The following PTPRK variants were observed in gnomAD, a reference collection of about 807,000 sequenced individuals.
The protein encoded by PTPRK is protein tyrosine phosphatase receptor type K.
In PTPRK, 75 loss-of-function variants were observed where a neutral mutation model predicts 178.0. The ratio of observed to expected loss-of-function variants is 0.42; its 90% CI spans 0.35 to 0.51. The LOEUF (loss-of-function observed/expected upper bound fraction) is 0.51. Ranked by LOEUF, PTPRK falls within the 20% of genes least tolerant of loss-of-function variation. The pLI is 0.02. For synonymous variants in PTPRK, 637 were observed against 620.6 expected, an observed-to-expected ratio of 1.03 and a Z score of -0.39; for missense variants, 1,441 against 1,797.8, an observed-to-expected ratio of 0.80 and a Z score of 3.59.
intron 3 of PTPRK, among the ~76,000 whole-genome samples, chr6:128,270,624 T>C (rs1819656254): frequency 6.6e-6 from 1 of 152,134 alleles, no homozygotes; most frequent in Non-Finnish European, 1.5e-5. Flanking sequence ...CCATATACAA[T>C]ACAGATACTA....
intron 1 of PTPRK, among the ~76,000 whole-genome samples, chr6:128,404,312 A>G (rs1042964076): frequency 1.3e-5 from 2 of 152,234 alleles, no homozygotes; most frequent in African/African-American, 4.8e-5. Flanking sequence ...GACACTTTCA[A>G]GGGCCTTCCG....
intron 3 of PTPRK, among the ~76,000 whole-genome samples, chr6:128,305,109 G>T (rs1480706682): frequency 6.6e-6 from 1 of 152,068 alleles, no homozygotes; most frequent in Non-Finnish European, 1.5e-5. Flanking sequence ...TGAAAAAGAA[G>T]ACAAGAAAGA....
intron 1 of PTPRK, among the ~76,000 whole-genome samples, chr6:128,458,351 TA>T (rs1165855669): frequency 6.6e-6 from 1 of 152,126 alleles, no homozygotes; most frequent in East Asian, 1.9e-4. Context: ...CACTTTATTA[TA>T]AAATAAGTTA....
chr6:128,425,441 G>A (rs773360396), intron 1 of PTPRK, among the ~76,000 whole-genome samples: 1 of 152,040 alleles, frequency 6.6e-6, no homozygotes, highest in Non-Finnish European at 1.5e-5. Context: ...AAAGGCTAAT[G>A]TATCATTCTT....
intron 7 of PTPRK, among the ~76,000 whole-genome samples, chr6:128,133,717 C>CT (rs76203097): frequency 0.011 from 1,641 of 142,908 alleles, 22 homozygotes; most frequent in African/African-American, 0.033. Flanking sequence ...TAAAGAAAGG[C>CT]TTTTTTTTTT....
intron 2 of PTPRK, among the ~76,000 whole-genome samples, chr6:128,397,027 A>G (rs1840402300): frequency 6.6e-6 from 1 of 151,962 alleles, no homozygotes; most frequent in Non-Finnish European, 1.5e-5. Flanking sequence ...AAAAGAACAG[A>G]TCTGGCCCTA....
chr6:128,393,806 C>A (rs1839937643), intron 2 of PTPRK, among the ~76,000 whole-genome samples: 1 of 152,068 alleles, frequency 6.6e-6, no homozygotes, highest in African/African-American at 2.4e-5. Context: ...AGTTTCCCAG[C>A]CTTGTGTGCA....
At chr6:128,430,715 G>T (rs1027663129) in intron 1 of PTPRK, among the ~76,000 whole-genome samples, 1 of 152,072 alleles carries the variant, frequency 6.6e-6, no homozygotes, top group African/African-American at 2.4e-5. Context: ...GCAGGAATTG[G>T]TCATAGCAAA....
At chr6:128,422,961 T>G (rs1843672537) in intron 1 of PTPRK, among the ~76,000 whole-genome samples, 1 of 152,214 alleles carries the variant, frequency 6.6e-6, no homozygotes, top group Non-Finnish European at 1.5e-5. Context: ...ATCACATGAA[T>G]ATATCTGCCT....
At chr6:128,129,404 G>A (rs1172684956) in intron 7 of PTPRK, among the ~76,000 whole-genome samples, 1 of 152,074 alleles carries the variant, frequency 6.6e-6, no homozygotes, top group Non-Finnish European at 1.5e-5. Flanking sequence ...CCATGATAGT[G>A]CTAGACTTTT....
intron 11 of PTPRK, 28 bp from the exon 12 acceptor site, chr6:128,067,820 C>CAT (rs1232475751): frequency 2.0e-6 from 3 of 1,532,306 alleles, no homozygotes; most frequent in Non-Finnish European, 1.8e-6. Context: ...AAAGAACACA[C>CAT]ATATATATAC....
intron 7 of PTPRK, among the ~76,000 whole-genome samples, chr6:128,131,559 A>C: frequency 6.6e-6 from 1 of 152,320 alleles, no homozygotes; most frequent in Non-Finnish European, 1.5e-5. Flanking sequence ...CATATAATAA[A>C]AATTCATCTC....
intron 9 of PTPRK, 159 bp downstream of exon 9, chr6:128,083,556 T>C (rs1416645256): frequency 2.4e-6 from 1 of 424,296 alleles, no homozygotes; most frequent in Non-Finnish European, 4.2e-6. Flanking sequence ...TGACGCTTAA[T>C]TTTGGAATCA....
chr6:128,384,248 C>G (rs370560747), intron 2 of PTPRK, among the ~76,000 whole-genome samples: 1 of 152,174 alleles, frequency 6.6e-6, no homozygotes, highest in South Asian at 2.1e-4. Flanking sequence ...CGATAGTCCA[C>G]AAAATGTTGG....
intron 6 of PTPRK, among the ~76,000 whole-genome samples, chr6:128,194,279 G>A (rs1414668771): frequency 6.6e-6 from 1 of 151,696 alleles, no homozygotes; most frequent in Non-Finnish European, 1.5e-5. Flanking sequence ...GTACAGACGG[G>A]GTTTCACCGT....
chr6:128,471,832 C>T (rs1436424050), intron 1 of PTPRK, among the ~76,000 whole-genome samples: 3 of 151,984 alleles, frequency 2.0e-5, no homozygotes, highest in Admixed American at 2.0e-4. Flanking sequence ...AGTTGAATAT[C>T]GTCATGCTGA....
At chr6:128,005,901 TTA>T (rs1339344769) in intron 14 of PTPRK, 2 of 572,622 alleles carry the variant, frequency 3.5e-6, no homozygotes, top group African/African-American at 2.0e-5. Flanking sequence ...GTTTATAGTT[TTA>T]GAGTCTGAAA....
In PTPRK at chr6:128,520,360, C is replaced by A. The variant is rs945233544; in HGVS notation, c.-2G>T. 1.1e-5 allele frequency: 18 copies of A among 1,603,740 alleles called. No individual in the cohort carries two copies. The highest frequency in any genetic ancestry group is 1.5e-5 in the Non-Finnish European group (18 of 1,174,930). On this transcript the variant is annotated 5_prime_UTR_variant, in exon 1 of 30. Coordinates refer to ENST00000368226, the MANE Select transcript of PTPRK (RefSeq NM_002844.4). ...CGCCGCCGCCGCAGTCGTATCCATG[C>A]CGAGTTTGGGAGAAGTTTCAAGCAG... is the stretch of plus-strand genomic sequence containing the variant.
intron 7 of PTPRK, among the ~76,000 whole-genome samples, chr6:128,102,624 C>T (rs537587583): frequency 6.6e-6 from 1 of 152,260 alleles, no homozygotes; most frequent in South Asian, 2.1e-4. Context: ...CCATTCATCC[C>T]AGGTGGAAGA....
Sources: gnomAD v4.1 joint callset for allele counts (sites outside exome capture counted in the v4.1 genomes callset) on GRCh38, gnomAD v4.1.1 for gene constraint, MANE v1.5 for transcripts, NCBI Gene and HGNC (gene_info 2026-07-23, HGNC 2026-07-21) for gene names.